The following HACD3 variants were observed in gnomAD, a reference collection of about 807,000 sequenced individuals.
The protein encoded by HACD3 is 3-hydroxyacyl-CoA dehydratase 3, also known as very-long-chain (3R)-3-hydroxyacyl-CoA dehydratase 3.
In HACD3, 30 loss-of-function variants were observed where a neutral mutation model predicts 55.2. That is an observed-to-expected ratio of 0.54 (90% CI 0.41 to 0.74). HACD3 has a LOEUF of 0.74. HACD3 is among the 30% of genes least tolerant of loss of function. The pLI is 0.00. For synonymous variants in HACD3, 141 were observed against 151.7 expected (o/e 0.93, Z 0.52); for missense variants, 363 against 440.1 (o/e 0.82, Z 1.57).
chr15:65,557,470 C>CA (rs754834285), intron 4 of HACD3, among the ~76,000 whole-genome samples: 1,066 of 99,850 alleles, frequency 0.011, 10 homozygotes, highest in African/African-American at 0.026. Flanking sequence ...GCGAGAGTCT[C>CA]AAAAAAAAAA....
intron 4 of HACD3, among the ~76,000 whole-genome samples, chr15:65,558,170 T>A (rs2072212553): frequency 6.6e-6 from 1 of 152,192 alleles, no homozygotes; most frequent in Admixed American, 6.5e-5. Flanking sequence ...AGAAAATATA[T>A]GTTTGGATAG....
intron 8 of HACD3, among the ~76,000 whole-genome samples, chr15:65,570,562 G>A (rs75032950): frequency 0.063 from 9,532 of 152,214 alleles, 313 homozygotes; most frequent in African/African-American, 0.091. Flanking sequence ...ATCCAGGTTG[G>A]ATAGAACTAA....
chr15:65,567,905 T>C (rs1301491543), intron 7 of HACD3, among the ~76,000 whole-genome samples: 2 of 151,876 alleles, frequency 1.3e-5, no homozygotes, highest in African/African-American at 4.8e-5. Flanking sequence ...TGGGGAGTTA[T>C]TGTTTAATGG....
chr15:65,575,188 G>GT (rs1247642156), intron 10 of HACD3, among the ~76,000 whole-genome samples: 8,006 of 137,190 alleles, frequency 0.058, 649 homozygotes, highest in African/African-American at 0.18. Context: ...GGACTTTTTA[G>GT]TTTTTTTTTT....
intron 1 of HACD3, among the ~76,000 whole-genome samples, chr15:65,534,013 T>G (rs1240631297): frequency 3.4e-5 from 5 of 148,854 alleles, no homozygotes; most frequent in Non-Finnish European, 7.4e-5. Context: ...ACTGCGCCAC[T>G]GCACTCCAGC....
intron 10 of HACD3, among the ~76,000 whole-genome samples, chr15:65,572,914 C>CAAAAAAAAAAA (rs60226731): frequency 9.4e-6 from 1 of 106,414 alleles, no homozygotes; most frequent in East Asian, 2.6e-4. Flanking sequence ...GACTTTGTCT[C>CAAAAAAAAAAA]AAAAAAAAAA....
At chr15:65,565,282 T>G (rs2072280281) in intron 7 of HACD3, 1 of 152,392 alleles carries the variant, frequency 6.6e-6, no homozygotes, top group Admixed American at 6.5e-5. Flanking sequence ...CACTTTGGGG[T>G]CTGGAGGATG....
Position 65,577,092 on chromosome 15 carries a change from A to C in HACD3, c.*713A>C, listed in dbSNP as rs1410800374. 6.6e-6 allele frequency: 1 copy of C among 152,198 alleles called. No individual in the cohort carries two copies. The highest frequency in any genetic ancestry group is 1.5e-5 in the Non-Finnish European group (1 of 68,044). The allele number at this position is 152,198 out of a possible 1,614,324, so 9.4% of individuals were successfully genotyped here. A position where few individuals can be genotyped will look rare whatever the true frequency, so the allele number is the denominator to read the frequency against. ...AGTAAATCAACTATTTTCAACACTGAAGAAAAATGAAACATTATTTAGAAA... is the reference window on the plus strand; with the variant it reads ...AGTAAATCAACTATTTTCAACACTGCAGAAAAATGAAACATTATTTAGAAA... On this transcript the variant is annotated 3_prime_UTR_variant, in exon 11 of 11. Coordinates refer to ENST00000261875, the MANE Select transcript of HACD3 (RefSeq NM_016395.4).
chr15:65,576,323 C>G lies in HACD3; in HGVS notation c.1033C>G (p.His345Asp). 6.3e-7 allele frequency: 1 copy of G among 1,599,018 alleles called. No homozygotes were observed. Among genetic ancestry groups the G allele is most frequent in the Non-Finnish European group, 8.5e-7 (1 of 1,173,280 alleles). The change falls in exon 11 of 11, where the codon CAC (histidine) becomes GAC (aspartate). Residue 345 changes from histidine to aspartate, a missense_variant. Coordinates refer to ENST00000261875, the MANE Select transcript of HACD3 (RefSeq NM_016395.4). ...IFLGLYINFR[H>D]LYKQRRRRYG... ...TTCAGGTTTATACATAAATTTTCGT[C>G]ACCTTTATAAACAGCGCAGACGGCG...
intron 1 of HACD3, among the ~76,000 whole-genome samples, chr15:65,534,645 T>G (rs352485): frequency 0.94 from 143,025 of 152,240 alleles, 67,190 homozygotes; most frequent in Admixed American, 0.96. Flanking sequence ...GTTCCTGTCC[T>G]TACCTAACAG....
At chr15:65,575,867 C>G (rs963770174) in intron 10 of HACD3, among the ~76,000 whole-genome samples, 1 of 152,112 alleles carries the variant, frequency 6.6e-6, no homozygotes, top group East Asian at 1.9e-4. Flanking sequence ...CCAAGCTGGG[C>G]AGATCATTTG....
chr15:65,542,246 A>AAG (rs1491449973), intron 1 of HACD3, among the ~76,000 whole-genome samples: 232 of 134,614 alleles, frequency 1.7e-3, no homozygotes, highest in African/African-American at 5.9e-3. Context: ...AAAAAAAAAA[A>AAG]GAAAAGAAAA....
intron 7 of HACD3, chr15:65,567,044 C>T (rs1327009965): frequency 6.6e-6 from 1 of 152,094 alleles, no homozygotes; most frequent in Non-Finnish European, 1.5e-5. Flanking sequence ...AATTTACAGC[C>T]AGGCATGGTG....
chr15:65,561,160 A>G (rs1219038849), intron 5 of HACD3, among the ~76,000 whole-genome samples: 2 of 152,080 alleles, frequency 1.3e-5, no homozygotes, highest in African/African-American at 2.4e-5. Flanking sequence ...AGAAGAAACT[A>G]TGGATTATAT....
chr15:65,531,024 G>A (rs1448221359), intron 1 of HACD3, among the ~76,000 whole-genome samples: 2 of 152,202 alleles, frequency 1.3e-5, no homozygotes, highest in African/African-American at 4.8e-5. Context: ...CCCAGGCCCG[G>A]CCCTGGCTGC....
chr15:65,575,516 T>C (rs1346222924), intron 10 of HACD3, among the ~76,000 whole-genome samples: 1 of 152,050 alleles, frequency 6.6e-6, no homozygotes, highest in Admixed American at 6.6e-5. Flanking sequence ...GAATTAAAAA[T>C]TAGGTTGTTT....
At chr15:65,549,426 G>GGAA (rs754982535) in intron 1 of HACD3, among the ~76,000 whole-genome samples, 5 of 111,064 alleles carry the variant, frequency 4.5e-5, no homozygotes, top group African/African-American at 1.7e-4. Context: ...TCTCTGCTGG[G>GGAA]AAAAAAAAAA....
chr15:65,573,270 G>C (rs2141227253), intron 10 of HACD3, among the ~76,000 whole-genome samples: 1 of 152,158 alleles, frequency 6.6e-6, no homozygotes, highest in South Asian at 2.1e-4. Context: ...AATTTAAAAG[G>C]CTTCCTAACT....
intron 10 of HACD3, among the ~76,000 whole-genome samples, chr15:65,573,923 T>C (rs970518288): frequency 9.2e-5 from 14 of 152,228 alleles, no homozygotes; most frequent in Non-Finnish European, 1.8e-4. Context: ...GACAAGCTCC[T>C]AACTATAAGG....
Sources: gnomAD v4.1 joint callset for allele counts (sites outside exome capture counted in the v4.1 genomes callset) on GRCh38, gnomAD v4.1.1 for gene constraint, MANE v1.5 for transcripts, NCBI Gene and HGNC (gene_info 2026-07-23, HGNC 2026-07-21) for gene names.